LUZP2: variants seen among roughly 807,000 people sequenced by gnomAD.
LUZP2 encodes the protein leucine zipper protein 2.
A neutral mutation model predicts 51.6 loss-of-function variants in LUZP2; 52 were observed. The ratio of observed to expected loss-of-function variants is 1.01; its 90% CI spans 0.81 to 1.27. The LOEUF (loss-of-function observed/expected upper bound fraction) is 1.27. Among genes scored for constraint, LUZP2 ranks in the 50% most tolerant of loss-of-function variants. LUZP2 has a pLI of 0.00. For synonymous variants in LUZP2, 154 were observed against 137.3 expected, an observed-to-expected ratio of 1.12 and a Z score of -0.85; for missense variants, 436 against 395.4, an observed-to-expected ratio of 1.10 and a Z score of -0.87.
chr11:24,524,005 C>G (rs1850722893), intron 1 of LUZP2, among the ~76,000 whole-genome samples: 1 of 151,674 alleles, frequency 6.6e-6, no homozygotes, highest in Non-Finnish European at 1.5e-5. Context: ...CATTTATCTC[C>G]TGAATGAGTC....
At chr11:24,598,754 A>G (rs981074166) in intron 1 of LUZP2, among the ~76,000 whole-genome samples, 1 of 152,176 alleles carries the variant, frequency 6.6e-6, no homozygotes, top group Non-Finnish European at 1.5e-5. Flanking sequence ...GTGTCTACCT[A>G]AAGCAAATCT....
chr11:25,067,745 T>G (rs980318760), intron 10 of LUZP2, among the ~76,000 whole-genome samples: 2 of 152,002 alleles, frequency 1.3e-5, no homozygotes, highest in Non-Finnish European at 2.9e-5. Flanking sequence ...ATTCAATCAT[T>G]GTGAAAGACA....
chr11:24,688,650 G>T (rs1008169831), intron 1 of LUZP2, among the ~76,000 whole-genome samples: 3 of 151,990 alleles, frequency 2.0e-5, no homozygotes, highest in Non-Finnish European at 4.4e-5. Context: ...CCTACCACTT[G>T]CTGACACTTT....
At chr11:24,959,264 T>G (rs1057446605) in intron 7 of LUZP2, among the ~76,000 whole-genome samples, 44 of 152,234 alleles carry the variant, frequency 2.9e-4, no homozygotes, top group South Asian at 2.1e-4. Flanking sequence ...ATATGAACTT[T>G]AAAGTAGTTT....
intron 1 of LUZP2, among the ~76,000 whole-genome samples, chr11:24,583,313 G>A (rs1439565356): frequency 2.0e-5 from 3 of 152,044 alleles, no homozygotes; most frequent in African/African-American, 7.2e-5. Flanking sequence ...GCCAGCAACC[G>A]ACTTACACTC....
At chr11:24,619,137 C>T (rs894628711) in intron 1 of LUZP2, among the ~76,000 whole-genome samples, 1 of 151,908 alleles carries the variant, frequency 6.6e-6, no homozygotes, top group Non-Finnish European at 1.5e-5. Context: ...CAGGCTATCC[C>T]CCTGCTTCAG....
At chr11:24,824,170 C>T (rs1433462888) in intron 5 of LUZP2, among the ~76,000 whole-genome samples, 1 of 151,138 alleles carries the variant, frequency 6.6e-6, no homozygotes, top group Non-Finnish European at 1.5e-5. Flanking sequence ...TCGAGACCAG[C>T]CTGACCAACA....
chr11:24,547,045 T>G (rs938701891), intron 1 of LUZP2, among the ~76,000 whole-genome samples: 1 of 151,930 alleles, frequency 6.6e-6, no homozygotes, highest in African/African-American at 2.4e-5. Context: ...ATCATTGGTC[T>G]GTTCAGGGAT....
intron 1 of LUZP2, among the ~76,000 whole-genome samples, chr11:24,538,950 T>G (rs939728868): frequency 6.6e-6 from 1 of 151,878 alleles, no homozygotes; most frequent in African/African-American, 2.4e-5. Flanking sequence ...GAAGATTATA[T>G]ATAATTTTTC....
chr11:24,890,344 A>G (rs1852806461), intron 5 of LUZP2, among the ~76,000 whole-genome samples: 1 of 152,234 alleles, frequency 6.6e-6, no homozygotes, highest in African/African-American at 2.4e-5. Context: ...CATGACAATA[A>G]TAACATGATT....
intron 1 of LUZP2, among the ~76,000 whole-genome samples, chr11:24,539,726 C>T (rs960422405): frequency 6.6e-6 from 1 of 151,970 alleles, no homozygotes; most frequent in Admixed American, 6.6e-5. Context: ...ACCTACAATG[C>T]CTTTTAGCTG....
intron 9 of LUZP2, among the ~76,000 whole-genome samples, chr11:25,041,427 AATC>A (rs1295028707): frequency 6.6e-6 from 1 of 152,144 alleles, no homozygotes; most frequent in Non-Finnish European, 1.5e-5. Flanking sequence ...AGGTAAATGA[AATC>A]ATAGAAAGTG....
intron 8 of LUZP2, among the ~76,000 whole-genome samples, chr11:24,976,916 C>G (rs1265088589): frequency 6.6e-6 from 1 of 151,558 alleles, no homozygotes; most frequent in Non-Finnish European, 1.5e-5. Context: ...CATTTTTCAC[C>G]TCACTGGTAT....
intron 7 of LUZP2, among the ~76,000 whole-genome samples, chr11:24,957,599 T>A (rs1855247340): frequency 6.6e-6 from 1 of 152,158 alleles, no homozygotes; most frequent in Non-Finnish European, 1.5e-5. Context: ...GTGTGGTATT[T>A]GACTTTCTTA....
chr11:24,701,810 C>T (rs1381671786), intron 1 of LUZP2, among the ~76,000 whole-genome samples: 1 of 152,018 alleles, frequency 6.6e-6, no homozygotes, highest in African/African-American at 2.4e-5. Context: ...TTATGGGAGG[C>T]TTTGACCATC....
At chr11:24,979,950 T>C (rs966535608) in intron 8 of LUZP2, among the ~76,000 whole-genome samples, 5 of 151,744 alleles carry the variant, frequency 3.3e-5, no homozygotes, top group Admixed American at 1.3e-4. Flanking sequence ...TACTTCTTAA[T>C]TAAAAATAAA....
chr11:24,589,842 C>T (rs78352767), intron 1 of LUZP2, among the ~76,000 whole-genome samples: 2 of 152,170 alleles, frequency 1.3e-5, no homozygotes, highest in African/African-American at 4.8e-5. Context: ...CTTTTCAGCT[C>T]ATCTGATCCC....
chr11:24,977,246 A>G (rs1220257831), intron 8 of LUZP2, among the ~76,000 whole-genome samples: 5 of 151,656 alleles, frequency 3.3e-5, no homozygotes, highest in Non-Finnish European at 5.9e-5. Context: ...AAAATATAAT[A>G]TTAACAAATA....
At chr11:24,540,953 A>G (rs1209700606) in intron 1 of LUZP2, among the ~76,000 whole-genome samples, 2 of 152,166 alleles carry the variant, frequency 1.3e-5, no homozygotes, top group African/African-American at 4.8e-5. Flanking sequence ...TGACACTTTA[A>G]GAAATGAGGT....
Sources: allele counts gnomAD v4.1 joint callset (sites outside exome capture counted in the v4.1 genomes callset), GRCh38; gene constraint gnomAD v4.1.1; transcripts MANE v1.5; gene names NCBI Gene and HGNC (gene_info 2026-07-23, HGNC 2026-07-21).